Variants in SNX18 observed in about 807,000 individuals in gnomAD.
SNX18 encodes sorting nexin-18.
SNX18 carries 35 observed loss-of-function variants against 48.7 expected under a neutral mutation model. That is an observed-to-expected ratio of 0.72 (90% CI 0.55 to 0.95). SNX18 has a LOEUF of 0.95. Among genes scored for constraint, SNX18 ranks in the 40% least tolerant of loss-of-function variants. The pLI is 0.00. For missense variants in SNX18, 824 were observed against 871.0 expected (o/e 0.95, Z 0.68); for synonymous variants, 492 against 384.7 (o/e 1.28, Z -3.26).
At chr5:54,610,812 G>A in the SNX18 span, among the ~76,000 whole-genome samples, 3 of 152,160 alleles carry the variant, frequency 2.0e-5, no homozygotes, top group East Asian at 1.9e-4. Context: ...CTGGCTGAGG[G>A]GAACATATAG....
chr5:54,578,284 T>C, the SNX18 span, among the ~76,000 whole-genome samples: 5 of 152,328 alleles, frequency 3.3e-5, no homozygotes, highest in East Asian at 9.6e-4. Context: ...CAGAGAAGAA[T>C]TAAACCTTTT....
At chr5:54,642,589 G>A in the SNX18 span, among the ~76,000 whole-genome samples, 1 of 152,108 alleles carries the variant, frequency 6.6e-6, no homozygotes, top group African/African-American at 2.4e-5. Context: ...GTCTTTAGGA[G>A]GACCTATTTC....
chr5:54,522,650 G>A (rs1044858186), intron 1 of SNX18, among the ~76,000 whole-genome samples: 6 of 152,152 alleles, frequency 3.9e-5, no homozygotes, highest in Non-Finnish European at 7.3e-5. Context: ...TTTCAGTAGC[G>A]TGAGCATCTC....
At chr5:54,613,408 A>AG in the SNX18 span, among the ~76,000 whole-genome samples, 3 of 152,074 alleles carry the variant, frequency 2.0e-5, no homozygotes, top group African/African-American at 7.2e-5. Flanking sequence ...GAAAGAGGGA[A>AG]GGGGCTGAAC....
the SNX18 span, among the ~76,000 whole-genome samples, chr5:54,577,244 G>A: frequency 6.6e-6 from 1 of 152,122 alleles, no homozygotes; most frequent in Non-Finnish European, 1.5e-5. Flanking sequence ...TCAATGAAAT[G>A]GGAGATGAGA....
At chr5:54,548,958 T>C (rs1484418048), downstream of SNX18, among the ~76,000 whole-genome samples, 4 of 152,366 alleles carry the variant, frequency 2.6e-5, no homozygotes, top group Non-Finnish European at 5.9e-5. Flanking sequence ...CTTCAGATCA[T>C]CTCTTTATTC....
the SNX18 span, among the ~76,000 whole-genome samples, chr5:54,566,223 C>A: frequency 1.4e-4 from 22 of 152,276 alleles, no homozygotes; most frequent in African/African-American, 4.8e-4. Flanking sequence ...AGAGCACAGA[C>A]TTTGATGTCC....
At chr5:54,533,364 A>C (rs1465279640) in intron 1 of SNX18, among the ~76,000 whole-genome samples, 1 of 152,206 alleles carries the variant, frequency 6.6e-6, no homozygotes, top group Non-Finnish European at 1.5e-5. Flanking sequence ...GAACCCACTT[A>C]GTATGAATCC....
rs1761928608 is a variant in SNX18, at chr5:54,518,530, A to G, written c.578A>G (p.Tyr193Cys). The G allele has an allele frequency of 1.9e-6, 3 of 1,571,998 alleles. No homozygotes were observed. The highest frequency in any genetic ancestry group is 2.6e-6 in the Non-Finnish European group (3 of 1,160,094). ...SSAGVGAAGR[Y>C]RLSTRSDLSL... is the part of the protein sequence containing the mutation. ...GCGGGTGTGGGCGCAGCCGGCCGCT[A>G]CCGCCTGTCCACGCGCTCCGACCTG... The change falls in exon 1 of 2, where the codon TAC (tyrosine) becomes TGC (cysteine). Residue 193 changes from tyrosine (Y) to cysteine (C), a missense_variant. Around this residue, in one of 3 missense-constraint regions of SNX18, gnomAD observed 377 missense variants for 350.6 expected, o/e 1.08. Coordinates refer to ENST00000381410, the MANE Select transcript of SNX18 (RefSeq NM_001102575.2).
At chr5:54,623,645 T>C in the SNX18 span, among the ~76,000 whole-genome samples, 2 of 152,158 alleles carry the variant, frequency 1.3e-5, no homozygotes, top group Admixed American at 6.5e-5. Flanking sequence ...CCACACTCGG[T>C]TAATCTACCC....
At position 54,518,086 on chromosome 5, in the gene SNX18, G is replaced by A; in HGVS notation, c.134G>A (p.Arg45His). The A allele has an allele frequency of 2.0e-6, 3 of 1,527,314 alleles. No homozygotes were observed. Among genetic ancestry groups the A allele is most frequent in the Non-Finnish European group, 2.6e-6 (3 of 1,143,300 alleles). 94.6% of individuals were successfully genotyped at this position (1,527,314 alleles called of 1,614,324 possible). ...GGCTGGCTCGAGGGGGTCAACAGCC[G>A]CGGCGACCGCGGCCTCTTCCCGGCC... ...IEGWLEGVNS[R>H]GDRGLFPASY... Residue 45 changes from arginine (R) to histidine (H), a missense_variant, in exon 1 of 2, where the codon CGC becomes CAC. Transcript: ENST00000381410.
intron 1 of SNX18, among the ~76,000 whole-genome samples, chr5:54,525,773 T>TAA (rs1215495493): frequency 6.6e-6 from 1 of 152,136 alleles, no homozygotes; most frequent in Non-Finnish European, 1.5e-5. Flanking sequence ...TTGACTTTTT[T>TAA]AAAAAAATAA....
the SNX18 span, among the ~76,000 whole-genome samples, chr5:54,633,000 C>T: frequency 6.6e-6 from 1 of 152,038 alleles, no homozygotes; most frequent in African/African-American, 2.4e-5. Context: ...GTCTCGATCT[C>T]TTGACCTCGT....
chr5:54,636,586 G>A, the SNX18 span, among the ~76,000 whole-genome samples: 1 of 152,048 alleles, frequency 6.6e-6, no homozygotes. Flanking sequence ...CCCCTACTCT[G>A]CTTTTTGCCC....
rs77057291 is a variant in SNX18, at chr5:54,539,403, T to C, written c.1622-3776T>C. On this transcript the variant is annotated intron_variant, in intron 1 of 1. Transcript: ENST00000381410. Reference sequence around the variant, plus strand: ...GTAGATGGAAAGTGCCTAGCATATGTTATTACTATTTCTAGCAGCTACCAT... The same window carrying C: ...GTAGATGGAAAGTGCCTAGCATATGCTATTACTATTTCTAGCAGCTACCAT... 7.1e-3 allele frequency among the ~76,000 whole-genome samples: 1,074 copies of C among 152,326 alleles called. 12 individuals are homozygous for C. The highest frequency in any genetic ancestry group is 0.025 in the African/African-American group (1,029 of 41,562).
Position 54,538,696 on chromosome 5 carries a change from C to A in SNX18, c.1622-4483C>A, listed in dbSNP as rs1029765969. ...TATTTGGCTTCAGATGTTGGAAGAC[C>A]CTTGGCATTGTCATTCTGAACATTA... On this transcript the variant is annotated intron_variant, in intron 1 of 1. Transcript: ENST00000381410. Among the ~76,000 whole-genome samples the A allele has an allele frequency of 2.2e-4, 33 of 152,152 alleles. 1 individual carries two copies. The highest frequency in any genetic ancestry group is 7.7e-4 in the African/African-American group (32 of 41,508).
chr5:54,591,645 C>T, the SNX18 span, among the ~76,000 whole-genome samples: 1 of 152,228 alleles, frequency 6.6e-6, no homozygotes, highest in South Asian at 2.1e-4. Flanking sequence ...TCTCCTTTAC[C>T]TCCTAGTAGA....
the SNX18 span, among the ~76,000 whole-genome samples, chr5:54,567,422 C>T: frequency 2.2e-4 from 33 of 152,114 alleles, no homozygotes; most frequent in South Asian, 6.8e-3. Context: ...ACCTGCTGCA[C>T]CCAAGATGGG....
At chr5:54,609,429 A>T in the SNX18 span, among the ~76,000 whole-genome samples, 1 of 151,692 alleles carries the variant, frequency 6.6e-6, no homozygotes, top group Non-Finnish European at 1.5e-5. Context: ...CTCCTTGGGG[A>T]CGTCATCCGC....
Sources: gnomAD v4.1 joint callset for allele counts (sites outside exome capture counted in the v4.1 genomes callset) on GRCh38, gnomAD v4.1.1 for gene constraint, gnomAD v4.1.1 regional missense constraint, MANE v1.5 for transcripts, NCBI Gene and HGNC (gene_info 2026-07-23, HGNC 2026-07-21) for gene names.